The following NHSL1 variants were observed in gnomAD, a reference collection of about 807,000 sequenced individuals.
NHSL1 encodes the protein NHS like 1.
NHSL1 carries 48 observed loss-of-function variants against 95.0 expected under a neutral mutation model. The observed-to-expected ratio is 0.51, with a 90% CI of 0.40 to 0.64. The LOEUF (loss-of-function observed/expected upper bound fraction) is 0.64, where lower values mean the gene tolerates loss of function less well. Among genes scored for constraint, NHSL1 ranks in the 30% least tolerant of loss-of-function variants. NHSL1 has a pLI of 0.00. For synonymous variants in NHSL1, 783 were observed against 833.9 expected (o/e 0.94, Z 1.05); for missense variants, 1,971 against 2,077.7 (o/e 0.95, Z 1.00).
At chr6:138,628,162 A>G (rs1440624656) in intron 1 of NHSL1, among the ~76,000 whole-genome samples, 1 of 151,392 alleles carries the variant, frequency 6.6e-6, no homozygotes, top group Non-Finnish European at 1.5e-5. Context: ...AAAATACAAA[A>G]TTAGCCAGGC....
In NHSL1 at chr6:138,683,173, C is replaced by T. The variant is rs1190526827; in HGVS notation, c.96+9303G>A. 3.3e-5 allele frequency among the ~76,000 whole-genome samples: 5 copies of T among 152,176 alleles called. No individual in the cohort carries two copies. In the East Asian group the frequency reaches 9.6e-4, roughly 29 times the overall value. On this transcript the variant is annotated intron_variant, in intron 1 of 3. Transcript: ENST00000491526. ...GCTTCCCCGGCCCCAGTGAAGCAGA[C>T]AGAAAGCAACAGCCCTCCACACACT...
chr6:138,528,287 T>C (rs1221766070), intron 1 of NHSL1, among the ~76,000 whole-genome samples: 1 of 150,968 alleles, frequency 6.6e-6, no homozygotes, highest in Non-Finnish European at 1.5e-5. Context: ...CAGAACAGAG[T>C]GAAAGAGCCA....
chr6:138,499,870 C>T (rs1445887631), upstream of NHSL1, among the ~76,000 whole-genome samples: 5 of 152,174 alleles, frequency 3.3e-5, no homozygotes, highest in East Asian at 1.9e-4. Flanking sequence ...TTCCCAACCA[C>T]GCCCCAGGCT....
upstream of NHSL1, among the ~76,000 whole-genome samples, chr6:138,548,919 A>G (rs778930359): frequency 1.3e-5 from 2 of 150,602 alleles, no homozygotes; most frequent in Non-Finnish European, 3.0e-5. Context: ...AAGTTAAAGC[A>G]TATATAATTT....
chr6:138,680,591 A>G (rs1359656611), intron 1 of NHSL1, among the ~76,000 whole-genome samples: 1 of 152,176 alleles, frequency 6.6e-6, no homozygotes, highest in Non-Finnish European at 1.5e-5. Flanking sequence ...CAGACATTTA[A>G]CAGAAGCCTC....
At position 138,437,409 on chromosome 6, in the gene NHSL1, CAT is replaced by C. The variant is rs1212963884; in HGVS notation, c.665-3731_665-3730del. On this transcript the variant is annotated intron_variant, in intron 5 of 7. Coordinates refer to ENST00000343505, the MANE Select transcript of NHSL1 (RefSeq NM_001144060.2). ...ATACACATATATATATATATACACA[CAT>C]ATACACACACACACACACACACACA... 1.1e-3 allele frequency among the ~76,000 whole-genome samples: 82 copies of C among 72,440 alleles called. 1 individual carries two copies. Among genetic ancestry groups the C allele is most frequent in the Admixed American group, 2.7e-3 (15 of 5,526 alleles). 47.5% of individuals were successfully genotyped at this position (72,440 alleles called of 152,430 possible).
At chr6:138,426,662 G>C (rs142300866) in intron 7 of NHSL1, among the ~76,000 whole-genome samples, 1 of 152,140 alleles carries the variant, frequency 6.6e-6, no homozygotes, top group Non-Finnish European at 1.5e-5. Context: ...CATGCTGGCT[G>C]CCCTGGGCTT....
intron 2 of NHSL1, among the ~76,000 whole-genome samples, chr6:138,478,037 T>TTTC (rs1583265336): frequency 6.9e-6 from 1 of 145,756 alleles, no homozygotes; most frequent in East Asian, 2.1e-4. Context: ...TTTTTTTTTT[T>TTTC]TTTTGAGACT....
chr6:138,667,271 T>G (rs1001513806), intron 1 of NHSL1, among the ~76,000 whole-genome samples: 3 of 152,216 alleles, frequency 2.0e-5, no homozygotes, highest in Non-Finnish European at 4.4e-5. Flanking sequence ...TTTCTAATTT[T>G]AATTAATAGA....
At chr6:138,609,905 G>A (rs1269529750) in intron 1 of NHSL1, among the ~76,000 whole-genome samples, 1 of 152,156 alleles carries the variant, frequency 6.6e-6, no homozygotes, top group Non-Finnish European at 1.5e-5. Context: ...CAGTATGGCT[G>A]TAGTAGTAGA....
chr6:138,451,423 G>C (rs550012602), intron 3 of NHSL1, among the ~76,000 whole-genome samples: 1 of 151,862 alleles, frequency 6.6e-6, no homozygotes, highest in African/African-American at 2.4e-5. Flanking sequence ...CCCTTTCCCT[G>C]CTTTTTTTCT....
chr6:138,531,853 T>C (rs1782148055), intron 1 of NHSL1, among the ~76,000 whole-genome samples: 2 of 152,122 alleles, frequency 1.3e-5, no homozygotes, highest in South Asian at 4.1e-4. Context: ...ACACCAGAAT[T>C]TTCCTTTATA....
At chr6:138,692,895 C>T (rs1310542981), upstream of NHSL1, among the ~76,000 whole-genome samples, 1 of 150,906 alleles carries the variant, frequency 6.6e-6, no homozygotes, top group Non-Finnish European at 1.5e-5. This position sits in a 1 kb window ranked among gnomAD's most constrained non-coding sequence, Gnocchi z 4.0. Flanking sequence ...GGCCCCTGCC[C>T]GCAGGGGAGA....
upstream of NHSL1, among the ~76,000 whole-genome samples, chr6:138,504,259 A>G (rs1424575253): frequency 3.4e-5 from 5 of 146,300 alleles, no homozygotes; most frequent in Admixed American, 1.4e-4. Flanking sequence ...GAGAGAGAGA[A>G]AGAGAGAGAG....
At chr6:138,618,524 G>A (rs938773758) in intron 1 of NHSL1, among the ~76,000 whole-genome samples, 4 of 152,154 alleles carry the variant, frequency 2.6e-5, no homozygotes, top group African/African-American at 9.7e-5. Context: ...GGTCATTGCA[G>A]AAAAGCTACT....
At chr6:138,558,854 C>A (rs1470458111) in intron 1 of NHSL1, among the ~76,000 whole-genome samples, 2 of 152,026 alleles carry the variant, frequency 1.3e-5, no homozygotes, top group African/African-American at 2.4e-5. Context: ...CCAGCCTGGG[C>A]AACATAGCAA....
At chr6:138,542,404 T>C (rs2128325042) in intron 1 of NHSL1, among the ~76,000 whole-genome samples, 1 of 152,354 alleles carries the variant, frequency 6.6e-6, no homozygotes, top group South Asian at 2.1e-4. Context: ...GGGAAACTAA[T>C]GCAGATTTGT....
intron 1 of NHSL1, among the ~76,000 whole-genome samples, chr6:138,607,867 G>T (rs1784455750): frequency 6.6e-6 from 1 of 152,208 alleles, no homozygotes; most frequent in Non-Finnish European, 1.5e-5. Context: ...AAAGTTTCAT[G>T]ACTGAGACTC....
chr6:138,542,984 G>A (rs1782640470), intron 1 of NHSL1, among the ~76,000 whole-genome samples: 1 of 152,058 alleles, frequency 6.6e-6, no homozygotes, highest in African/African-American at 2.4e-5. Context: ...GGCTGGTCCC[G>A]AACTCAGGGC....
Sources: gnomAD v4.1 joint callset for allele counts (sites outside exome capture counted in the v4.1 genomes callset) on GRCh38, gnomAD v4.1.1 for gene constraint, Gnocchi (gnomAD v3.1) non-coding constraint, MANE v1.5 for transcripts, NCBI Gene and HGNC (gene_info 2026-07-23, HGNC 2026-07-21) for gene names.